Variants in LY75 observed in about 807,000 individuals in gnomAD.
LY75 encodes C-type lectin domain family 13 member B.
A neutral mutation model predicts 231.7 loss-of-function variants in LY75; 185 were observed. The ratio of observed to expected loss-of-function variants is 0.80; its 90% CI spans 0.71 to 0.90. LY75 has a LOEUF of 0.90. Ranked by LOEUF, LY75 falls within the 40% of genes least tolerant of loss-of-function variation. LY75 has a pLI of 0.00. For missense variants in LY75, 1,947 were observed against 2,050.2 expected (o/e 0.95, Z 0.97); for synonymous variants, 668 against 689.0 (o/e 0.97, Z 0.48).
chr2:159,842,640 G>C (rs1227815408), intron 23 of LY75, among the ~76,000 whole-genome samples: 1 of 152,024 alleles, frequency 6.6e-6, no homozygotes, highest in African/African-American at 2.4e-5. Flanking sequence ...AACACCTCCA[G>C]CAATATTTAA....
At chr2:159,873,380 G>A (rs1040604878) in intron 12 of LY75, among the ~76,000 whole-genome samples, 1 of 152,160 alleles carries the variant, frequency 6.6e-6, no homozygotes, top group Non-Finnish European at 1.5e-5. Flanking sequence ...AAGGTAAACT[G>A]AGCAGAGGCC....
At chr2:159,807,436 G>A (rs1451146236) in intron 33 of LY75, among the ~76,000 whole-genome samples, 6 of 152,184 alleles carry the variant, frequency 3.9e-5, no homozygotes, top group Non-Finnish European at 8.8e-5. Context: ...TGGTGTTTCC[G>A]TTAAAGTGCA....
intron 28 of LY75, among the ~76,000 whole-genome samples, chr2:159,828,525 A>C (rs1016656745): frequency 6.6e-6 from 1 of 152,216 alleles, no homozygotes. Flanking sequence ...CGGAGAAATC[A>C]GTACTCTCAT....
Position 159,852,067 on chromosome 2 carries a change from G to T in LY75, c.2883+134C>A, listed in dbSNP as rs759630690. 74 of 1,291,362 alleles carry T rather than the reference G, an allele frequency of 5.7e-5. No individual in the cohort carries two copies. In the Admixed American group the frequency reaches 9.3e-4, roughly 16 times the overall value. 80.0% of individuals were successfully genotyped at this position (1,291,362 alleles called of 1,614,324 possible). On this transcript the variant is annotated intron_variant, in intron 21 of 34. Coordinates refer to ENST00000263636, the MANE Select transcript of LY75 (RefSeq NM_002349.4). ...CATCCACGGTTTCTGGCAACACAGA[G>T]GGCCAGGTGGGATCCTGAAACATGC...
chr2:159,874,569 A>AAG (rs1241847113), intron 12 of LY75, among the ~76,000 whole-genome samples: 8,759 of 46,256 alleles, frequency 0.19, 3,697 homozygotes, highest in Non-Finnish European at 0.3. Flanking sequence ...AATCTATATA[A>AAG]ATATGTACAT....
Position 159,853,305 on chromosome 2 carries a change from C to A in LY75, c.2711G>T (p.Cys904Phe). ...CCAAGTCTTGGCAGACATGTACAAGCATTCCTCTCCAAATGTCACAGGAAA... is the reference window on the plus strand; with the variant it reads ...CCAAGTCTTGGCAGACATGTACAAGAATTCCTCTCCAAATGTCACAGGAAA... ...HRFPVTFGEE[C>F]LYMSAKTWLI... Residue 904 changes from cysteine to phenylalanine, a missense_variant, in exon 20 of 35, where the codon TGC becomes TTC. Physicochemically the swap from Cys to Phe is radical, Grantham distance 205 (BLOSUM62 -2). Coordinates refer to ENST00000263636, the MANE Select transcript of LY75 (RefSeq NM_002349.4). 6.2e-7 allele frequency: 1 copy of A among 1,613,464 alleles called. No homozygotes were observed. The highest frequency in any genetic ancestry group is 8.5e-7 in the Non-Finnish European group (1 of 1,179,536).
chr2:159,882,168 G>A lies in LY75; in HGVS notation c.1202C>T (p.Ser401Phe), dbSNP rs781400863. The A allele has an allele frequency of 6.2e-7, 1 of 1,613,796 alleles. No individual in the cohort carries two copies. Among genetic ancestry groups the A allele is most frequent in the Admixed American group, 1.7e-5 (1 of 59,948 alleles). The change falls in exon 7 of 35, where the codon TCT (serine) becomes TTT (phenylalanine). Residue 401 changes from serine (S) to phenylalanine (F), a missense_variant. Transcript: ENST00000263636. ...AFSSDLISIH[S>F]LADVEVVVTK... Reference sequence around the variant, plus strand: ...GACAACCACCTCCACATCTGCTAGAGAATGAATGCTGATTAGGTCACTACT... The same window carrying A: ...GACAACCACCTCCACATCTGCTAGAAAATGAATGCTGATTAGGTCACTACT...
intron 11 of LY75, among the ~76,000 whole-genome samples, chr2:159,876,031 C>G (rs192389553): frequency 3.3e-5 from 5 of 152,242 alleles, no homozygotes; most frequent in Admixed American, 3.3e-4. Flanking sequence ...AGCTTAAAAA[C>G]TTTGAGCAGT....
At chr2:159,877,421 C>T (rs1281235097) in intron 11 of LY75, among the ~76,000 whole-genome samples, 1 of 152,182 alleles carries the variant, frequency 6.6e-6, no homozygotes, top group Non-Finnish European at 1.5e-5. Context: ...AATTCAATAA[C>T]CAGATGATCT....
intron 24 of LY75, 86 bp from the exon 25 acceptor site, chr2:159,841,041 T>A (rs561207014): frequency 6.7e-5 from 103 of 1,541,532 alleles, no homozygotes; most frequent in Non-Finnish European, 8.9e-5. Flanking sequence ...TTTCTCCCCA[T>A]ACTAATCTAA....
chr2:159,848,608 T>C (rs780818933), intron 23 of LY75, among the ~76,000 whole-genome samples: 4 of 152,208 alleles, frequency 2.6e-5, no homozygotes, highest in Admixed American at 2.0e-4. Flanking sequence ...TATGATATAA[T>C]ACAAACTGAG....
In LY75 at chr2:159,831,678, G is replaced by C; in HGVS notation, c.3950C>G (p.Thr1317Ser). The change falls in exon 28 of 35, where the codon ACT (threonine) becomes AGT (serine). Residue 1317 changes from threonine (T) to serine (S), a missense_variant. By Grantham distance (58) the Thr-to-Ser change is moderately conservative (BLOSUM62 1). Transcript: ENST00000263636. ...YMASWVMLGI[T>S]YRNKSLMWFD... Reference sequence around the variant, plus strand: ...GCAGATTTACAACTTACTTCTATAAGTTATTCCTAACATGACCCATGAAGC... The same window carrying C: ...GCAGATTTACAACTTACTTCTATAACTTATTCCTAACATGACCCATGAAGC... 1 of 1,608,562 alleles carries C rather than the reference G, an allele frequency of 6.2e-7. No homozygotes were observed. Among genetic ancestry groups the C allele is most frequent in the Non-Finnish European group, 8.5e-7 (1 of 1,178,596 alleles).
chr2:159,853,960 C>T (rs1451049529), intron 18 of LY75, among the ~76,000 whole-genome samples: 2 of 152,164 alleles, frequency 1.3e-5, no homozygotes, highest in African/African-American at 2.4e-5. Flanking sequence ...TTTAAGTGGG[C>T]ATACAGTATC....
chr2:159,835,333 T>G, intron 26 of LY75, 147 bp downstream of exon 26: 2 of 806,564 alleles, frequency 2.5e-6, no homozygotes, highest in East Asian at 3.2e-5. Flanking sequence ...TGAATACAAA[T>G]TTTCACAACA....
intron 23 of LY75, among the ~76,000 whole-genome samples, chr2:159,847,622 A>T (rs1201522034): frequency 6.6e-6 from 1 of 152,208 alleles, no homozygotes; most frequent in Non-Finnish European, 1.5e-5. Context: ...CTATTGGGCA[A>T]ATTAAATGAA....
chr2:159,885,349 T>C, intron 5 of LY75, 56 bp from the exon 6 acceptor site: 1 of 1,556,670 alleles, frequency 6.4e-7, no homozygotes, highest in African/African-American at 1.4e-5. Context: ...GCCAGGATGG[T>C]GTCAGAAAGA....
At chr2:159,836,416 G>A (rs536020797) in intron 25 of LY75, among the ~76,000 whole-genome samples, 2 of 152,204 alleles carry the variant, frequency 1.3e-5, no homozygotes, top group Admixed American at 6.5e-5. Flanking sequence ...GTCTGTGAAC[G>A]TCTGCCTTTA....
chr2:159,894,989 C>T (rs1015006204), intron 2 of LY75, among the ~76,000 whole-genome samples: 7 of 152,204 alleles, frequency 4.6e-5, no homozygotes, highest in Admixed American at 4.6e-4. Context: ...AAACCTCAGT[C>T]ATTAACAGAT....
In LY75 at chr2:159,834,086, C is replaced by T; in HGVS notation, c.3799G>A (p.Ala1267Thr). Residue 1267 changes from alanine (A) to threonine (T), a missense_variant, in exon 27 of 35, where the codon GCA becomes ACA. Transcript: ENST00000263636. ...NFIITKNRHM[A>T]TTQDEVHTKC... ...GTATGAACTTCATCCTGTGTTGTTG[C>T]CATATGCCTATTCTTTGTTATTATG... The T allele has an allele frequency of 6.2e-7, 1 of 1,613,774 alleles. No homozygotes were observed. Among genetic ancestry groups the T allele is most frequent in the Non-Finnish European group, 8.5e-7 (1 of 1,179,894 alleles).
Sources: gnomAD v4.1 joint callset for allele counts (sites outside exome capture counted in the v4.1 genomes callset) on GRCh38, gnomAD v4.1.1 for gene constraint, MANE v1.5 for transcripts, NCBI Gene and HGNC (gene_info 2026-07-23, HGNC 2026-07-21) for gene names.